The following DENND1B variants were observed in gnomAD, a reference collection of about 807,000 sequenced individuals.
The protein encoded by DENND1B is DENN domain containing 1B.
DENND1B carries 59 observed loss-of-function variants against 90.1 expected under a neutral mutation model. The ratio of observed to expected loss-of-function variants is 0.65; its 90% CI spans 0.53 to 0.81. DENND1B has a LOEUF of 0.81. Among genes scored for constraint, DENND1B ranks in the 40% least tolerant of loss-of-function variants. The pLI is 0.00. For missense variants in DENND1B, 862 were observed against 912.6 expected, an observed-to-expected ratio of 0.94 and a Z score of 0.71; for synonymous variants, 337 against 324.6, an observed-to-expected ratio of 1.04 and a Z score of -0.41.
chr1:197,714,298 T>C (rs927167109), intron 3 of DENND1B, among the ~76,000 whole-genome samples: 1 of 151,852 alleles, frequency 6.6e-6, no homozygotes, highest in African/African-American at 2.4e-5. Context: ...AAGCAAAAAA[T>C]TGGCAAAAAA....
chr1:197,728,297 T>C (rs1386824415), intron 2 of DENND1B, among the ~76,000 whole-genome samples: 1 of 152,232 alleles, frequency 6.6e-6, no homozygotes, highest in Admixed American at 6.5e-5. Context: ...AAAAACCTTC[T>C]GCCATTTTTC....
intron 8 of DENND1B, 88 bp from the exon 9 acceptor site, chr1:197,645,831 G>A (rs1345985037): frequency 4.5e-6 from 4 of 883,536 alleles, no homozygotes; most frequent in Admixed American, 3.2e-5. Flanking sequence ...AAAATATATT[G>A]AGTAAATTAA....
Position 197,733,173 on chromosome 1 carries a change from G to A in DENND1B, c.83-18099C>T, listed in dbSNP as rs551959582. Among the ~76,000 whole-genome samples the A allele has an allele frequency of 7.9e-5, 12 of 152,244 alleles. No homozygotes were observed. The South Asian group carries it at 1.9e-3, about 24-fold the overall frequency. Reference sequence around the variant, plus strand: ...ATAATGGAGCTTTTTAGGAAAAAGAGTAAATACTAGACATCTACTGTTTCC... The same window carrying A: ...ATAATGGAGCTTTTTAGGAAAAAGAATAAATACTAGACATCTACTGTTTCC... On this transcript the variant is annotated intron_variant, in intron 2 of 22. Transcript: ENST00000620048.
At chr1:197,637,866 A>G (rs908707556) in intron 10 of DENND1B, among the ~76,000 whole-genome samples, 1 of 152,218 alleles carries the variant, frequency 6.6e-6, no homozygotes, top group Non-Finnish European at 1.5e-5. Flanking sequence ...AATAACCTTA[A>G]CTAGGAAGCA....
intron 2 of DENND1B, among the ~76,000 whole-genome samples, chr1:197,761,498 A>G (rs1655051025): frequency 6.6e-6 from 1 of 152,170 alleles, no homozygotes; most frequent in South Asian, 2.1e-4. Context: ...TTTGGCTTTC[A>G]TTTGAACCAT....
chr1:197,548,582 TA>T (rs1670986682), intron 16 of DENND1B, among the ~76,000 whole-genome samples: 1 of 152,168 alleles, frequency 6.6e-6, no homozygotes, highest in Non-Finnish European at 1.5e-5. Flanking sequence ...TATGATGATG[TA>T]TTATTCAGCC....
chr1:197,682,748 A>G lies in DENND1B; in HGVS notation c.127-8579T>C, dbSNP rs184243171. ...GAGGGGAAGTAGGGGTGGTCCTTCCATCACAGGAAAACATATGTGCAAAGA... is the reference window on the plus strand; with the variant it reads ...GAGGGGAAGTAGGGGTGGTCCTTCCGTCACAGGAAAACATATGTGCAAAGA... On this transcript the variant is annotated intron_variant, in intron 3 of 22. Coordinates refer to ENST00000620048, the MANE Select transcript of DENND1B (RefSeq NM_001195215.2). 6.6e-5 allele frequency among the ~76,000 whole-genome samples: 10 copies of G among 152,286 alleles called. No homozygotes were observed. In the East Asian group the frequency reaches 1.7e-3, roughly 26 times the overall value.
intron 11 of DENND1B, among the ~76,000 whole-genome samples, chr1:197,617,093 A>G (rs1677717097): frequency 6.6e-6 from 1 of 151,024 alleles, no homozygotes; most frequent in Non-Finnish European, 1.5e-5. Context: ...AACTACTCCC[A>G]ATACTTTTCA....
chr1:197,735,081 T>C, intron 2 of DENND1B: 1 of 975,006 alleles, frequency 1.0e-6, no homozygotes. Context: ...GAACATTTCA[T>C]AAAACAATAA....
At chr1:197,644,528 A>G (rs969618614) in intron 9 of DENND1B, among the ~76,000 whole-genome samples, 2 of 152,216 alleles carry the variant, frequency 1.3e-5, no homozygotes, top group Non-Finnish European at 2.9e-5. Flanking sequence ...CAAGGGTCAT[A>G]TAAGTCAAGA....
intron 9 of DENND1B, among the ~76,000 whole-genome samples, 158 bp from the exon 10 acceptor site, chr1:197,642,979 AT>A (rs11331300): frequency 0.16 from 24,337 of 152,130 alleles, 2,243 homozygotes; most frequent in Non-Finnish European, 0.2. Context: ...CGGCTGCCAC[AT>A]AAAGTACATA....
At chr1:197,769,685 T>A (rs1332085847) in intron 2 of DENND1B, among the ~76,000 whole-genome samples, 1 of 151,738 alleles carries the variant, frequency 6.6e-6, no homozygotes, top group Non-Finnish European at 1.5e-5. Context: ...CTCCAAAGCA[T>A]CCTAATTTAT....
chr1:197,586,275 G>A (rs1470587689), intron 14 of DENND1B, among the ~76,000 whole-genome samples: 1 of 152,018 alleles, frequency 6.6e-6, no homozygotes, highest in Non-Finnish European at 1.5e-5. Flanking sequence ...TGAAAAAAAT[G>A]TAAAACAATG....
At chr1:197,542,029 T>C (rs967894642) in intron 18 of DENND1B, among the ~76,000 whole-genome samples, 7 of 152,210 alleles carry the variant, frequency 4.6e-5, no homozygotes, top group Non-Finnish European at 8.8e-5. Context: ...CTGACTTCCT[T>C]CAGATAACCT....
intron 2 of DENND1B, among the ~76,000 whole-genome samples, chr1:197,770,856 C>A (rs1226589680): frequency 5.8e-5 from 7 of 120,734 alleles, no homozygotes; most frequent in Non-Finnish European, 1.0e-4. Flanking sequence ...AAATATATAT[C>A]TATAAATATA....
intron 15 of DENND1B, among the ~76,000 whole-genome samples, chr1:197,572,644 G>T (rs1673276643): frequency 6.6e-6 from 1 of 152,142 alleles, no homozygotes; most frequent in South Asian, 2.1e-4. Context: ...GCCTAACTGG[G>T]AGACACCTCC....
intron 3 of DENND1B, among the ~76,000 whole-genome samples, chr1:197,703,511 AC>A (rs1051684402): frequency 6.6e-6 from 1 of 152,158 alleles, no homozygotes; most frequent in African/African-American, 2.4e-5. Context: ...TAACACAAAT[AC>A]CATAAATGAT....
upstream of DENND1B, chr1:197,775,502 G>C (rs917444669): frequency 2.1e-5 from 4 of 194,014 alleles, no homozygotes; most frequent in African/African-American, 9.3e-5. Flanking sequence ...TCGCCGGGAG[G>C]GGGAAGGGGC....
At position 197,645,695 on chromosome 1, in the gene DENND1B, C is replaced by T. The variant is rs1039192247; in HGVS notation, c.556G>A (p.Glu186Lys). Residue 186 changes from glutamate (E) to lysine (K), a missense_variant, in exon 9 of 23, where the codon GAG becomes AAG. Glu to Lys is a moderately conservative substitution (Grantham distance 56). Coordinates refer to ENST00000620048, the MANE Select transcript of DENND1B (RefSeq NM_001195215.2). The part of the protein sequence containing the change: ...PDVTGLPTIP[E>K]SRNLTEYFVA... Reference sequence around the variant, plus strand: ...GTAGAAAATAGGAAACTTACACTCTCGGGTATTGTTGGGAGTCCAGTTACA... The same window carrying T: ...GTAGAAAATAGGAAACTTACACTCTTGGGTATTGTTGGGAGTCCAGTTACA... 5 of 1,551,794 alleles carry T rather than the reference C, an allele frequency of 3.2e-6. No individual in the cohort carries two copies. Among genetic ancestry groups the T allele is most frequent in the Non-Finnish European group, 4.4e-6 (5 of 1,147,802 alleles).
Sources: gnomAD v4.1 joint callset for allele counts (sites outside exome capture counted in the v4.1 genomes callset) on GRCh38, gnomAD v4.1.1 for gene constraint, MANE v1.5 for transcripts, NCBI Gene and HGNC (gene_info 2026-07-23, HGNC 2026-07-21) for gene names.